RAB7A: variants seen among roughly 807,000 people sequenced by gnomAD.
RAB7A encodes the protein RAB7A, member RAS oncogene family.
A neutral mutation model predicts 24.5 loss-of-function variants in RAB7A; 2 were observed. The ratio of observed to expected loss-of-function variants is 0.08; its 90% CI spans 0.03 to 0.26. The LOEUF (loss-of-function observed/expected upper bound fraction) is 0.26, where lower values mean the gene tolerates loss of function less well. Ranked by LOEUF, RAB7A falls within the 10% of genes least tolerant of loss-of-function variation. The pLI is 1.00. For missense variants in RAB7A, 118 were observed against 255.7 expected (o/e 0.46, Z 3.67); for synonymous variants, 100 against 95.9 (o/e 1.04, Z -0.25).
At chr3:128,733,893 G>C (rs988896817) in intron 1 of RAB7A, among the ~76,000 whole-genome samples, 1 of 152,298 alleles carries the variant, frequency 6.6e-6, no homozygotes, top group East Asian at 1.9e-4. Context: ...TTGTACCAGC[G>C]TATTCTTCCA....
chr3:128,810,680 T>G (rs570065579), intron 5 of RAB7A, among the ~76,000 whole-genome samples: 1 of 152,320 alleles, frequency 6.6e-6, no homozygotes, highest in East Asian at 1.9e-4. Flanking sequence ...GCAACCTCAT[T>G]TAACCTTCAT....
At chr3:128,764,638 TC>T (rs2107597896) in intron 1 of RAB7A, 3 of 1,046,916 alleles carry the variant, frequency 2.9e-6, no homozygotes, top group Non-Finnish European at 4.4e-6. Flanking sequence ...CAAATGGGGG[TC>T]ATTTTTGTCA....
In RAB7A at chr3:128,792,852, TATTTATTTATTC is replaced by T. The variant is rs1394121041; in HGVS notation, c.-8-2503_-8-2492del. On this transcript the variant is annotated intron_variant, in intron 1 of 5. Transcript: ENST00000265062. ...TTATTTATTTATTTATTTATTTATTTATTTATTTATTCATTTGAGACAGTGCCTCGCACTGTC... is the reference window on the plus strand; with the variant it reads ...TTATTTATTTATTTATTTATTTATTTATTTGAGACAGTGCCTCGCACTGTC... 5.5e-5 allele frequency among the ~76,000 whole-genome samples: 8 copies of T among 146,686 alleles called. No homozygotes were observed. In the East Asian group the frequency reaches 1.2e-3, roughly 22 times the overall value.
At chr3:128,774,185 T>TA (rs34234745) in intron 1 of RAB7A, among the ~76,000 whole-genome samples, 193 of 115,026 alleles carry the variant, frequency 1.7e-3, no homozygotes, top group Middle Eastern at 5.5e-3. Context: ...ATGTATTAAC[T>TA]AAAAAAAAAA....
chr3:128,804,635 G>A (rs556083886), intron 3 of RAB7A, among the ~76,000 whole-genome samples: 3 of 152,270 alleles, frequency 2.0e-5, no homozygotes, highest in South Asian at 4.1e-4. Flanking sequence ...CTAGGAACCC[G>A]TCAACTTGTT....
At chr3:128,742,894 G>A (rs1031290444) in intron 1 of RAB7A, among the ~76,000 whole-genome samples, 5 of 152,234 alleles carry the variant, frequency 3.3e-5, no homozygotes, top group African/African-American at 4.8e-5. Context: ...GGCCACGGGC[G>A]GAGCTGCCCA....
chr3:128,739,732 A>G (rs904480107), intron 1 of RAB7A, among the ~76,000 whole-genome samples: 8 of 152,350 alleles, frequency 5.3e-5, no homozygotes, highest in African/African-American at 1.4e-4. Context: ...TAATTTAACA[A>G]TCCTCTAAAT....
chr3:128,764,361 G>A (rs1404237934), intron 1 of RAB7A: 2 of 627,832 alleles, frequency 3.2e-6, no homozygotes, highest in African/African-American at 1.8e-5. Context: ...TTAAGTGGAT[G>A]TTTTGGCACA....
At chr3:128,765,909 A>G (rs2070827140) in intron 1 of RAB7A, among the ~76,000 whole-genome samples, 1 of 151,956 alleles carries the variant, frequency 6.6e-6, no homozygotes, top group Non-Finnish European at 1.5e-5. Flanking sequence ...TTACAGGTGC[A>G]TGCCACCACT....
Position 128,792,595 on chromosome 3 carries a change from A to G in RAB7A, c.-8-2765A>G, listed in dbSNP as rs1416562919. 5.3e-5 allele frequency among the ~76,000 whole-genome samples: 8 copies of G among 150,850 alleles called. No homozygotes were observed. The East Asian group carries it at 9.9e-4, about 19-fold the overall frequency. ...CTATTTTTTTGTGTATTTAGTAGAG[A>G]TGGAGTTTCACTATGTTGGCCAGGG... On this transcript the variant is annotated intron_variant, in intron 1 of 5. Transcript: ENST00000265062.
chr3:128,734,428 C>G (rs2070469631), intron 1 of RAB7A, among the ~76,000 whole-genome samples: 1 of 140,798 alleles, frequency 7.1e-6, no homozygotes, highest in Non-Finnish European at 1.5e-5. Context: ...GCACTCTAGC[C>G]TGGGCGACAG....
chr3:128,743,548 A>AT (rs2070577850), intron 1 of RAB7A, among the ~76,000 whole-genome samples: 1 of 152,178 alleles, frequency 6.6e-6, no homozygotes, highest in African/African-American at 2.4e-5. Context: ...CAGCTTGGAC[A>AT]TTGGAATTGC....
intron 3 of RAB7A, among the ~76,000 whole-genome samples, chr3:128,802,250 T>C (rs980269729): frequency 6.6e-6 from 1 of 151,458 alleles, no homozygotes; most frequent in Non-Finnish European, 1.5e-5. Context: ...TAGTGACTGC[T>C]GTGTTTCTTG....
intron 1 of RAB7A, among the ~76,000 whole-genome samples, chr3:128,758,274 GTTTTTTTT>G (rs35360318): frequency 7.9e-6 from 1 of 126,728 alleles, no homozygotes; most frequent in Non-Finnish European, 1.7e-5. Context: ...TTGTTTTTTT[GTTTTTTTT>G]TTTTTTTTGA....
intron 1 of RAB7A, among the ~76,000 whole-genome samples, chr3:128,791,383 C>T (rs868000844): frequency 6.6e-6 from 1 of 152,298 alleles, no homozygotes. Context: ...TCAGGTGATT[C>T]ACCTTCCTTG....
intron 3 of RAB7A, chr3:128,799,033 C>G (rs1349739473): frequency 1.2e-5 from 2 of 164,566 alleles, no homozygotes; most frequent in Non-Finnish European, 2.6e-5. Flanking sequence ...GCAGTTTTAA[C>G]CTGCCTGTGA....
At chr3:128,759,727 G>A (rs956114378) in intron 1 of RAB7A, among the ~76,000 whole-genome samples, 2 of 149,694 alleles carry the variant, frequency 1.3e-5, no homozygotes, top group African/African-American at 4.9e-5. Flanking sequence ...TTTTTTTTCT[G>A]AGACGGAGTT....
chr3:128,743,608 G>C (rs1281103214), intron 1 of RAB7A, among the ~76,000 whole-genome samples: 1 of 152,138 alleles, frequency 6.6e-6, no homozygotes, highest in Non-Finnish European at 1.5e-5. Context: ...GTGGACTAAA[G>C]GAACCACAGA....
At chr3:128,739,952 G>T (rs1482364916) in intron 1 of RAB7A, among the ~76,000 whole-genome samples, 1 of 152,106 alleles carries the variant, frequency 6.6e-6, no homozygotes, top group Non-Finnish European at 1.5e-5. Flanking sequence ...TGTAATCCCA[G>T]CTACTTGGGA....
Sources: gnomAD v4.1 joint callset for allele counts (sites outside exome capture counted in the v4.1 genomes callset) on GRCh38, gnomAD v4.1.1 for gene constraint, MANE v1.5 for transcripts, NCBI Gene and HGNC (gene_info 2026-07-23, HGNC 2026-07-21) for gene names.